Variants in TPO observed in about 807,000 individuals in gnomAD.
TPO encodes the protein thyroid peroxidase, also known as thyroid microsomal antigen.
TPO carries 78 observed loss-of-function variants against 96.9 expected under a neutral mutation model. The observed-to-expected ratio is 0.81, with a 90% CI of 0.67 to 0.97. TPO has a LOEUF of 0.97. TPO is among the 50% of genes least tolerant of loss of function. The probability of loss-of-function intolerance (pLI) is 0.00; values close to 1 mark genes in which losing one functional copy is unlikely to be tolerated. For synonymous variants in TPO, 547 were observed against 538.0 expected (o/e 1.02, Z -0.23); for missense variants, 1,252 against 1,274.8 (o/e 0.98, Z 0.27).
chr2:1,423,158 A>G (rs1238763980), intron 3 of TPO, 29 bp downstream of exon 3: 1 of 1,607,342 alleles, frequency 6.2e-7, no homozygotes, highest in South Asian at 1.1e-5. Context: ...CCGCCGCCCC[A>G]AATGCCACCG....
At chr2:1,455,874 A>G (rs1558306672) in intron 6 of TPO, among the ~76,000 whole-genome samples, 1 of 152,136 alleles carries the variant, frequency 6.6e-6, no homozygotes, top group Admixed American at 6.5e-5. Context: ...GCCACCACAA[A>G]TCAAGGCAGG....
chr2:1,525,030 A>AC (rs1676114910), intron 15 of TPO, among the ~76,000 whole-genome samples: 1 of 12,750 alleles, frequency 7.8e-5, no homozygotes, highest in Non-Finnish European at 1.5e-4. Flanking sequence ...CAAATCCCCC[A>AC]ACTCTGTGCA....
At chr2:1,531,173 TG>T (rs1678107057) in intron 15 of TPO, among the ~76,000 whole-genome samples, 2 of 78,120 alleles carry the variant, frequency 2.6e-5, no homozygotes, top group Non-Finnish European at 4.7e-5. Context: ...TCCCCCCCAC[TG>T]TGAGCAACCT....
chr2:1,436,362 A>G lies in TPO; in HGVS notation c.460A>G (p.Ile154Val), dbSNP rs1665571001. 8.7e-6 allele frequency: 14 copies of G among 1,614,108 alleles called. No homozygotes were observed. The highest frequency in any genetic ancestry group is 1.2e-5 in the Non-Finnish European group (14 of 1,180,048). Residue 154 changes from isoleucine to valine, a missense_variant, in exon 5 of 17, where the codon ATC becomes GTC. Transcript: ENST00000329066. ...NTCLANKYRP[I>V]TGACNNRDHP... ...TTGCCTGGCGAACAAATACAGGCCC[A>G]TCACAGGAGCTTGCAACAACAGGTA...
At chr2:1,445,656 T>A (rs1292620580) in intron 5 of TPO, among the ~76,000 whole-genome samples, 2 of 143,400 alleles carry the variant, frequency 1.4e-5, no homozygotes, top group African/African-American at 5.4e-5. Context: ...GTTTGTATGA[T>A]CCAGTCATTG....
intron 3 of TPO, among the ~76,000 whole-genome samples, chr2:1,427,342 G>T (rs914738977): frequency 4.6e-5 from 7 of 152,212 alleles, no homozygotes; most frequent in East Asian, 1.9e-4. Context: ...GGCAGGGGAG[G>T]GTTCTGGGGC....
intron 15 of TPO, among the ~76,000 whole-genome samples, chr2:1,529,660 T>C (rs1677557806): frequency 4.3e-5 from 1 of 23,464 alleles, no homozygotes; most frequent in African/African-American, 1.6e-4. Flanking sequence ...TGCAACCTCC[T>C]ATCACCCCCA....
At chr2:1,445,418 C>A (rs61162442) in intron 5 of TPO, among the ~76,000 whole-genome samples, 5 of 68,702 alleles carry the variant, frequency 7.3e-5, no homozygotes, top group South Asian at 7.7e-4. Context: ...AGGAGGTACC[C>A]TGTTGGAAGG....
At position 1,542,533 on chromosome 2, in the gene TPO, C is replaced by CT. The variant is rs749486726; in HGVS notation, c.*63dup. On this transcript the variant is annotated 3_prime_UTR_variant, in exon 17 of 17. Coordinates refer to ENST00000329066, the MANE Select transcript of TPO (RefSeq NM_001206744.2). ...ATGTTCCCAAAATCACCGTACGACT[C>CT]TTTTCCAAACACAGGCAAATCCGAA... 8.4e-5 allele frequency: 136 copies of CT among 1,609,634 alleles called. 1 individual carries two copies. In the East Asian group the frequency reaches 2.6e-3, roughly 31 times the overall value.
rs200684166 is a variant in TPO at position 1,496,685 on chromosome 2, G to C, written c.2306G>C (p.Arg769Pro). 1.7e-5 allele frequency: 28 copies of C among 1,613,904 alleles called. No individual in the cohort carries two copies. The South Asian group carries it at 2.9e-4, about 16-fold the overall frequency. The part of the protein sequence containing the change: ...SGRRVLVYSC[R>P]HGYELQGREQ... Reference sequence around the variant, plus strand: ...AGGCGCGTGCTGGTGTATTCCTGCCGGCACGGGTATGAGCTCCAAGGCCGG... The same window carrying C: ...AGGCGCGTGCTGGTGTATTCCTGCCCGCACGGGTATGAGCTCCAAGGCCGG... The change falls in exon 13 of 17, where the codon CGG (arginine) becomes CCG (proline). Residue 769 changes from arginine (R) to proline (P), a missense_variant. Coordinates refer to ENST00000329066, the MANE Select transcript of TPO (RefSeq NM_001206744.2).
chr2:1,534,545 A>T, intron 15 of TPO, among the ~76,000 whole-genome samples: 1 of 108,224 alleles, frequency 9.2e-6, no homozygotes. Flanking sequence ...CAACCTCCCC[A>T]AATCCCTACC....
intron 7 of TPO, among the ~76,000 whole-genome samples, chr2:1,470,224 A>C (rs1428524843): frequency 6.6e-6 from 1 of 151,918 alleles, no homozygotes; most frequent in Non-Finnish European, 1.5e-5. Flanking sequence ...CAAGAAGCTG[A>C]GGCACAAAAT....
At chr2:1,448,736 C>T (rs541076299) in intron 5 of TPO, among the ~76,000 whole-genome samples, 1 of 152,300 alleles carries the variant, frequency 6.6e-6, no homozygotes, top group East Asian at 1.9e-4. Flanking sequence ...AATATCACGG[C>T]ATCACAGAAT....
chr2:1,431,395 G>A (rs139216204), intron 3 of TPO, among the ~76,000 whole-genome samples: 8 of 152,286 alleles, frequency 5.3e-5, no homozygotes, highest in South Asian at 2.1e-4. Flanking sequence ...TGCACAGCCC[G>A]CAGAACCTTG....
chr2:1,503,903 G>C (rs771319337), intron 13 of TPO, 45 bp from the exon 14 acceptor site: 2 of 1,614,032 alleles, frequency 1.2e-6, no homozygotes, highest in Non-Finnish European at 1.7e-6. Context: ...GGAGATGGGG[G>C]TGCAGCCGCT....
At chr2:1,392,710 G>A (rs1445747323) in intron 1 of TPO, among the ~76,000 whole-genome samples, 2 of 151,988 alleles carry the variant, frequency 1.3e-5, no homozygotes, top group African/African-American at 2.4e-5. Flanking sequence ...ACTTCTTCCT[G>A]GTTTAGTCTT....
intron 7 of TPO, among the ~76,000 whole-genome samples, chr2:1,466,870 G>T (rs933511195): frequency 2.6e-5 from 4 of 151,906 alleles, no homozygotes; most frequent in Admixed American, 1.3e-4. Context: ...TTTTGTTGTT[G>T]TTTCAATTTC....
At chr2:1,415,247 G>C (rs1299170587) in intron 2 of TPO, among the ~76,000 whole-genome samples, 1 of 143,428 alleles carries the variant, frequency 7.0e-6, no homozygotes, top group Non-Finnish European at 1.5e-5. Context: ...CACCGGGCAG[G>C]TCCCTGGGCC....
chr2:1,535,333 A>G (rs1490945968), intron 15 of TPO, among the ~76,000 whole-genome samples: 2 of 11,146 alleles, frequency 1.8e-4, no homozygotes, highest in Non-Finnish European at 3.2e-4. Context: ...AATCCCCCCC[A>G]CTGTATGCAA....
Sources: gnomAD v4.1 joint callset for allele counts (sites outside exome capture counted in the v4.1 genomes callset) on GRCh38, gnomAD v4.1.1 for gene constraint, MANE v1.5 for transcripts, NCBI Gene and HGNC (gene_info 2026-07-23, HGNC 2026-07-21) for gene names.